Variants in HERC3 observed in about 807,000 individuals in gnomAD.
The protein encoded by HERC3 is HECT and RLD domain containing E3 ubiquitin protein ligase 3, also known as probable E3 ubiquitin-protein ligase HERC3.
Under a neutral mutation model 129.9 loss-of-function variants are expected in HERC3, and 58 were observed. The observed-to-expected ratio is 0.45, with a 90% confidence interval of 0.36 to 0.56. The LOEUF (loss-of-function observed/expected upper bound fraction) is 0.56, where lower values mean the gene tolerates loss of function less well. Among genes scored for constraint, HERC3 ranks in the 20% least tolerant of loss-of-function variants. The pLI is 0.00. For missense variants in HERC3, 835 were observed against 1,244.2 expected, an observed-to-expected ratio of 0.67 and a Z score of 4.95; for synonymous variants, 430 against 451.0, an observed-to-expected ratio of 0.95 and a Z score of 0.59.
At chr4:88,549,718 C>G in the HERC3 span, among the ~76,000 whole-genome samples, 1 of 135,366 alleles carries the variant, frequency 7.4e-6, no homozygotes, top group Non-Finnish European at 1.6e-5. Context: ...TCTTTTTTTT[C>G]TTTAGAGATG....
the HERC3 span, among the ~76,000 whole-genome samples, chr4:88,577,626 G>GTATATATATATATATATATATA: frequency 2.0e-5 from 2 of 99,196 alleles, no homozygotes; most frequent in African/African-American, 1.1e-4. Context: ...TAATAGGTTT[G>GTATATATATATATATATATATA]TAATACCAAA....
At chr4:88,674,568 T>C (rs1731959117) in intron 16 of HERC3, among the ~76,000 whole-genome samples, 1 of 152,210 alleles carries the variant, frequency 6.6e-6, no homozygotes, top group African/African-American at 2.4e-5. Flanking sequence ...ATTAGGAAAT[T>C]CTGAATATTG....
chr4:88,680,481 T>C (rs1732650811), intron 20 of HERC3, among the ~76,000 whole-genome samples: 1 of 152,242 alleles, frequency 6.6e-6, no homozygotes, highest in Non-Finnish European at 1.5e-5. Flanking sequence ...AGTCTTGTTA[T>C]CTGAGAAGGG....
At chr4:88,584,225 A>C in the HERC3 span, among the ~76,000 whole-genome samples, 1 of 152,070 alleles carries the variant, frequency 6.6e-6, no homozygotes, top group African/African-American at 2.4e-5. Context: ...TAGATGCATT[A>C]CTCATCTTAA....
chr4:88,561,798 A>G, the HERC3 span, among the ~76,000 whole-genome samples: 3 of 152,090 alleles, frequency 2.0e-5, no homozygotes, highest in Admixed American at 2.0e-4. Flanking sequence ...TTCATTTAAC[A>G]TAATGTCCTC....
upstream of HERC3, among the ~76,000 whole-genome samples, chr4:88,587,639 C>A (rs1173947687): frequency 6.6e-6 from 1 of 152,172 alleles, no homozygotes; most frequent in African/African-American, 2.4e-5. Context: ...TAGGAAATAA[C>A]AAAATTCCTT....
chr4:88,592,979 C>A lies in HERC3; in HGVS notation c.-88+405C>A, dbSNP rs183941963. On this transcript the variant is annotated intron_variant, in intron 1 of 25. Transcript: ENST00000402738. ...GGATAGTCCCTATGCTCGCCCCCTG[C>A]CCCTATTTAAATTCTGGGGTTCCAG... is the stretch of plus-strand genomic sequence containing the variant. 2.2e-3 allele frequency among the ~76,000 whole-genome samples: 330 copies of A among 152,256 alleles called. 2 individuals carry two copies. Among genetic ancestry groups the A allele is most frequent in the African/African-American group, 7.7e-3 (319 of 41,560 alleles).
intron 10 of HERC3, among the ~76,000 whole-genome samples, chr4:88,660,350 C>T (rs922410634): frequency 6.6e-6 from 1 of 151,984 alleles, no homozygotes; most frequent in African/African-American, 2.4e-5. Flanking sequence ...TACAGGCGTC[C>T]GCTACCATGC....
intron 23 of HERC3, chr4:88,697,561 G>A (rs200424572): frequency 1.2e-6 from 2 of 1,613,796 alleles, no homozygotes; most frequent in Non-Finnish European, 1.7e-6. Flanking sequence ...GTCATTTTTC[G>A]GCTTTGGGGC....
At chr4:88,636,631 A>G (rs1727434130) in intron 3 of HERC3, among the ~76,000 whole-genome samples, 1 of 152,200 alleles carries the variant, frequency 6.6e-6, no homozygotes, top group Non-Finnish European at 1.5e-5. Context: ...TGAGCTCTGG[A>G]TCAAGTGGAC....
In HERC3 at chr4:88,652,842, G is replaced by A. The variant is rs754386355; in HGVS notation, c.464-27G>A. ...TGTGTGGAGCTTGTATCATTTTATG[G>A]TAATACCAGTTATCCTGTTATTTCA... is the stretch of plus-strand genomic sequence containing the variant. On this transcript the variant is annotated intron_variant, in intron 5 of 25. Transcript: ENST00000402738. The A allele has an allele frequency of 1.9e-6, 3 of 1,586,286 alleles. No individual in the cohort carries two copies. The African/African-American group carries it at 4.0e-5, about 21-fold the overall frequency.
intron 25 of HERC3, 68 bp from the exon 26 acceptor site, chr4:88,706,684 G>A: frequency 1.5e-6 from 2 of 1,308,942 alleles, no homozygotes; most frequent in Non-Finnish European, 2.2e-6. Context: ...CTCTCCTGTT[G>A]CCAGAAGGAT....
chr4:88,693,011 A>C (rs1734234487), intron 23 of HERC3: 2 of 978,882 alleles, frequency 2.0e-6, no homozygotes, highest in African/African-American at 3.5e-5. Context: ...TACATATGGA[A>C]TGGAATGTCT....
intron 12 of HERC3, among the ~76,000 whole-genome samples, chr4:88,667,143 A>C (rs547238669): frequency 1.3e-5 from 2 of 152,312 alleles, no homozygotes; most frequent in Non-Finnish European, 2.9e-5. Flanking sequence ...TAAAAATTTG[A>C]AAATTCTTGT....
chr4:88,558,071 CAAAAAAAAAAAAAA>C, the HERC3 span, among the ~76,000 whole-genome samples: 1 of 39,156 alleles, frequency 2.6e-5, no homozygotes, highest in Non-Finnish European at 6.6e-5. Flanking sequence ...GACTCTGACT[CAAAAAAAAAAAAAA>C]AAAAAAAAAA....
chr4:88,667,046 A>C (rs749556911), intron 12 of HERC3, among the ~76,000 whole-genome samples: 2 of 152,194 alleles, frequency 1.3e-5, no homozygotes, highest in Non-Finnish European at 1.5e-5. Context: ...AGATGAAATC[A>C]GGGAAATAAT....
At chr4:88,606,168 G>A in intron 3 of HERC3, 119 bp downstream of exon 3, 1 of 726,768 alleles carries the variant, frequency 1.4e-6, no homozygotes, top group Non-Finnish European at 2.3e-6. Context: ...AGGCTCTTTT[G>A]AACGGTGCAG....
intron 23 of HERC3, among the ~76,000 whole-genome samples, chr4:88,698,096 T>G (rs1734862123): frequency 6.6e-6 from 1 of 152,164 alleles, no homozygotes; most frequent in South Asian, 2.1e-4. Context: ...GAGGTGCTTC[T>G]TCAGGAACTG....
chr4:88,665,315 C>G (rs530693499), intron 12 of HERC3, among the ~76,000 whole-genome samples: 1 of 152,246 alleles, frequency 6.6e-6, no homozygotes, highest in South Asian at 2.1e-4. Context: ...GGCCTGAGAA[C>G]CAGGGAAGCT....
Sources: gnomAD v4.1 joint callset for allele counts (sites outside exome capture counted in the v4.1 genomes callset) on GRCh38, gnomAD v4.1.1 for gene constraint, MANE v1.5 for transcripts, NCBI Gene and HGNC (gene_info 2026-07-23, HGNC 2026-07-21) for gene names.